SLC4A7: variants seen among roughly 807,000 people sequenced by gnomAD.
SLC4A7 encodes the protein sodium bicarbonate cotransporter 3.
SLC4A7 carries 51 observed loss-of-function variants against 137.6 expected under a neutral mutation model. The ratio of observed to expected loss-of-function variants is 0.37; its 90% CI spans 0.30 to 0.47. The LOEUF (loss-of-function observed/expected upper bound fraction) is 0.47. Ranked by LOEUF, SLC4A7 falls within the 20% of genes least tolerant of loss-of-function variation. The pLI, the probability that SLC4A7 is intolerant of heterozygous loss-of-function variation, is 1.00. For missense variants in SLC4A7, 1,247 were observed against 1,525.4 expected (o/e 0.82, Z 3.04); for synonymous variants, 542 against 518.6 (o/e 1.05, Z -0.61).
intron 9 of SLC4A7, 47 bp from the exon 10 acceptor site, chr3:27,420,834 C>T (rs748314675): frequency 9.6e-6 from 12 of 1,254,600 alleles, no homozygotes; most frequent in Non-Finnish European, 1.3e-5. Context: ...ATCATACACC[C>T]ACAAAGCTAG....
At chr3:27,452,350 G>C in intron 2 of SLC4A7, 67 bp downstream of exon 2, 2 of 1,037,682 alleles carry the variant, frequency 1.9e-6, no homozygotes, top group Non-Finnish European at 2.8e-6. Context: ...AACTTAAAAG[G>C]ATACTTAAAA....
At chr3:27,466,805 C>T (rs2059024820) in intron 1 of SLC4A7, among the ~76,000 whole-genome samples, 1 of 152,008 alleles carries the variant, frequency 6.6e-6, no homozygotes. Context: ...TTCAGAGAGC[C>T]GCGATTGCGC....
chr3:27,377,259 T>C (rs773725166), intron 25 of SLC4A7, among the ~76,000 whole-genome samples: 2 of 152,250 alleles, frequency 1.3e-5, no homozygotes, highest in East Asian at 3.9e-4. Context: ...GGTTATAAAT[T>C]TATAAAACTT....
intron 5 of SLC4A7, among the ~76,000 whole-genome samples, chr3:27,435,729 C>T (rs2056685007): frequency 6.6e-6 from 1 of 152,108 alleles, no homozygotes; most frequent in Non-Finnish European, 1.5e-5. Context: ...GTGGTCCCAG[C>T]TACTCAGTAG....
chr3:27,419,827 T>C (rs1470955761), intron 10 of SLC4A7, among the ~76,000 whole-genome samples: 1 of 151,948 alleles, frequency 6.6e-6, no homozygotes, highest in African/African-American at 2.4e-5. Context: ...ATGGAAAGAA[T>C]ATGACAGATT....
chr3:27,471,888 T>C (rs2059262521), intron 1 of SLC4A7, among the ~76,000 whole-genome samples: 1 of 152,252 alleles, frequency 6.6e-6, no homozygotes, highest in Admixed American at 6.5e-5. Context: ...GCTCATTTTT[T>C]ACACTTTATA....
chr3:27,426,807 T>C (rs1022444440), intron 7 of SLC4A7, among the ~76,000 whole-genome samples: 15 of 152,302 alleles, frequency 9.8e-5, no homozygotes, highest in South Asian at 2.1e-4. Context: ...CAACCTCAGC[T>C]AAACTAAAAC....
At chr3:27,398,008 C>T in intron 17 of SLC4A7, 184 bp downstream of exon 17, 1 of 613,786 alleles carries the variant, frequency 1.6e-6, no homozygotes, top group Non-Finnish European at 2.8e-6. Flanking sequence ...TCTTATGGTA[C>T]CATCATCTTC....
chr3:27,429,732 C>A (rs1458671402), intron 7 of SLC4A7, among the ~76,000 whole-genome samples: 1 of 152,012 alleles, frequency 6.6e-6, no homozygotes, highest in Non-Finnish European at 1.5e-5. Flanking sequence ...GCGCCGTAAT[C>A]CCAGCTACTC....
chr3:27,386,160 A>C (rs1051368425), intron 22 of SLC4A7, 137 bp from the exon 23 acceptor site: 2 of 566,618 alleles, frequency 3.5e-6, no homozygotes, highest in Non-Finnish European at 5.9e-6. Context: ...ATTTTGTTTC[A>C]AAGGAATTGA....
At chr3:27,431,761 GC>G in intron 6 of SLC4A7, 92 bp from the exon 7 acceptor site, 1 of 1,359,502 alleles carries the variant, frequency 7.4e-7, no homozygotes, top group Non-Finnish European at 9.7e-7. Flanking sequence ...ACTATAAATT[GC>G]ATACTTCAAA....
chr3:27,421,783 T>C lies in SLC4A7; in HGVS notation c.1267-4A>G, dbSNP rs2055004026. 4.4e-6 allele frequency: 7 copies of C among 1,604,110 alleles called. No individual in the cohort carries two copies. The highest frequency in any genetic ancestry group is 1.7e-5 in the Admixed American group (1 of 59,112). On this transcript the variant is annotated splice_region_variant and splice_polypyrimidine_tract_variant and intron_variant, in intron 8 of 25. Coordinates refer to ENST00000454389, the MANE Select transcript of SLC4A7 (RefSeq NM_001321103.2). ...TTCTCATGAAATTCATATCAACCTA[T>C]TGACAAATAAATAATTAAAAATAAA...
Position 27,399,411 on chromosome 3 carries a change from T to C in SLC4A7, c.2428-1058A>G, listed in dbSNP as rs116374892. On this transcript the variant is annotated intron_variant, in intron 16 of 25. Transcript: ENST00000454389. ...CAAAAATGACTTTTTAAATATAAAATAGTAAAGCATGAATCTATGTTTTTT... is the reference window on the plus strand; with the variant it reads ...CAAAAATGACTTTTTAAATATAAAACAGTAAAGCATGAATCTATGTTTTTT... 8.9e-3 allele frequency among the ~76,000 whole-genome samples: 1,362 copies of C among 152,246 alleles called. 26 individuals carry two copies. The highest frequency in any genetic ancestry group is 0.03 in the African/African-American group (1,258 of 41,542).
chr3:27,406,625 C>G (rs1390989728), intron 13 of SLC4A7, among the ~76,000 whole-genome samples: 1 of 152,062 alleles, frequency 6.6e-6, no homozygotes, highest in Admixed American at 6.5e-5. Flanking sequence ...TTATGCAGAG[C>G]TTAAGTCAAA....
chr3:27,484,341 T>C lies in SLC4A7; in HGVS notation c.-215A>G, dbSNP rs997832996. On this transcript the variant is annotated 5_prime_UTR_variant, in exon 1 of 26. Transcript: ENST00000454389. ...CGCGCTGCGACTGCTGGGCTGGCTT[T>C]AGTAGGAGAGCGAGGCCGCGGCGTG... 45 of 343,328 alleles carry C rather than the reference T, an allele frequency of 1.3e-4. No homozygotes were observed. Among genetic ancestry groups the C allele is most frequent in the Admixed American group, 6.3e-4 (13 of 20,672 alleles). 21.3% of individuals were successfully genotyped at this position (343,328 alleles called of 1,614,324 possible). A position where few individuals can be genotyped will look rare whatever the true frequency, so the allele number is the denominator to read the frequency against.
intron 1 of SLC4A7, among the ~76,000 whole-genome samples, chr3:27,466,718 G>A (rs1459261689): frequency 2.0e-5 from 3 of 151,968 alleles, no homozygotes; most frequent in African/African-American, 4.8e-5. Context: ...TTAGCCCCGC[G>A]TGCTGGTGCG....
intron 1 of SLC4A7, among the ~76,000 whole-genome samples, chr3:27,465,289 CA>C (rs11329798): frequency 0.52 from 43,666 of 84,752 alleles, 7,012 homozygotes; most frequent in East Asian, 0.7. Flanking sequence ...GACTCCGTCT[CA>C]AAAAAAAAAA....
chr3:27,421,018 C>T (rs1164030249), intron 9 of SLC4A7, among the ~76,000 whole-genome samples: 1 of 152,012 alleles, frequency 6.6e-6, no homozygotes, highest in Non-Finnish European at 1.5e-5. Context: ...TTCTACCAAA[C>T]TCCTGACCTC....
In SLC4A7 at chr3:27,409,618, G is replaced by C. The variant is rs2053711535; in HGVS notation, c.1767-88C>G. Reference sequence around the variant, plus strand: ...AAACTATGGGCTACACAAAACTGCTGGTGCCTAGGTGTTTTGTCAACAAAA... The same window carrying C: ...AAACTATGGGCTACACAAAACTGCTCGTGCCTAGGTGTTTTGTCAACAAAA... On this transcript the variant is annotated intron_variant, in intron 12 of 25. Coordinates refer to ENST00000454389, the MANE Select transcript of SLC4A7 (RefSeq NM_001321103.2). 5.6e-6 allele frequency: 5 copies of C among 897,292 alleles called. No individual in the cohort carries two copies. In the East Asian group the frequency reaches 1.3e-4, roughly 23 times the overall value. 55.6% of individuals were successfully genotyped at this position (897,292 alleles called of 1,614,324 possible).
Sources: allele counts gnomAD v4.1 joint callset (sites outside exome capture counted in the v4.1 genomes callset), GRCh38; gene constraint gnomAD v4.1.1; transcripts MANE v1.5; gene names NCBI Gene and HGNC (gene_info 2026-07-23, HGNC 2026-07-21).